CTNNA2: variants seen among roughly 807,000 people sequenced by gnomAD.
CTNNA2 encodes the protein catenin alpha 2, also known as catenin alpha-2.
Under a neutral mutation model 101.0 loss-of-function variants are expected in CTNNA2, and 42 were observed. The ratio of observed to expected loss-of-function variants is 0.42; its 90% CI spans 0.32 to 0.54. The LOEUF (loss-of-function observed/expected upper bound fraction) is 0.54, where lower values mean the gene tolerates loss of function less well. Among genes scored for constraint, CTNNA2 ranks in the 20% least tolerant of loss-of-function variants. The pLI is 0.14. For synonymous variants in CTNNA2, 450 were observed against 456.4 expected, an observed-to-expected ratio of 0.99 and a Z score of 0.18; for missense variants, 871 against 1,223.1, an observed-to-expected ratio of 0.71 and a Z score of 4.29.
chr2:80,356,756 C>T (rs1312247899), intron 7 of CTNNA2, among the ~76,000 whole-genome samples: 1 of 152,204 alleles, frequency 6.6e-6, no homozygotes, highest in Non-Finnish European at 1.5e-5. Context: ...CGACACCATT[C>T]ATTCAACACT....
upstream of CTNNA2, among the ~76,000 whole-genome samples, chr2:79,508,545 A>G (rs1403330861): frequency 2.0e-5 from 3 of 152,186 alleles, no homozygotes; most frequent in Non-Finnish European, 2.9e-5. Flanking sequence ...TTAATTGGAA[A>G]TAAAAGATGA....
chr2:79,207,396 C>T (rs1287480467), intron 2 of CTNNA2, among the ~76,000 whole-genome samples: 3 of 152,078 alleles, frequency 2.0e-5, no homozygotes, highest in African/African-American at 7.2e-5. Context: ...CAGAAGTAAC[C>T]CCCCATTCTG....
intron 18 of CTNNA2, among the ~76,000 whole-genome samples, chr2:80,643,828 G>C (rs974498685): frequency 1.3e-5 from 2 of 152,150 alleles, no homozygotes; most frequent in Admixed American, 6.6e-5. Context: ...AGGCCAGGAA[G>C]AACAAGGAAG....
At chr2:79,578,382 T>C (rs1441716362) in intron 1 of CTNNA2, among the ~76,000 whole-genome samples, 1 of 152,220 alleles carries the variant, frequency 6.6e-6, no homozygotes, top group African/African-American at 2.4e-5. Context: ...ACTTTCAAGA[T>C]AGTGAATTAA....
At chr2:80,264,408 CAAG>C (rs1035256395) in intron 7 of CTNNA2, among the ~76,000 whole-genome samples, 1 of 152,102 alleles carries the variant, frequency 6.6e-6, no homozygotes, top group African/African-American at 2.4e-5. Flanking sequence ...ACCAATCACA[CAAG>C]AAGGTGTTTG....
chr2:79,469,093 G>GT (rs1459326621), intron 4 of CTNNA2, among the ~76,000 whole-genome samples: 321 of 151,886 alleles, frequency 2.1e-3, no homozygotes, highest in African/African-American at 6.8e-3. Context: ...TCCAGGAGCT[G>GT]GTTTGTTGAA....
chr2:80,004,900 A>C (rs1343097724), intron 7 of CTNNA2, among the ~76,000 whole-genome samples: 1 of 151,998 alleles, frequency 6.6e-6, no homozygotes, highest in African/African-American at 2.4e-5. Flanking sequence ...ATGGGGTTTC[A>C]CCATGTTGGC....
chr2:80,624,465 T>A (rs1019873890), intron 18 of CTNNA2, among the ~76,000 whole-genome samples: 1 of 151,954 alleles, frequency 6.6e-6, no homozygotes, highest in African/African-American at 2.4e-5. Context: ...GTTAGAGAAG[T>A]GGTAAAAGAC....
chr2:80,424,897 C>A, intron 9 of CTNNA2, among the ~76,000 whole-genome samples: 1 of 152,172 alleles, frequency 6.6e-6, no homozygotes, highest in Non-Finnish European at 1.5e-5. Context: ...CTTCTTTGAA[C>A]CTCTCTTCTC....
chr2:80,432,671 A>T (rs1021924487), intron 9 of CTNNA2, among the ~76,000 whole-genome samples: 5 of 152,230 alleles, frequency 3.3e-5, no homozygotes, highest in African/African-American at 1.2e-4. Context: ...AGATCAAAAG[A>T]ACAAACCTGC....
Position 80,406,931 on chromosome 2 carries a change from C to A in CTNNA2, c.1138-12518C>A, listed in dbSNP as rs370161483. Among the ~76,000 whole-genome samples the A allele has an allele frequency of 5.5e-4, 84 of 151,638 alleles. 1 individual carries two copies. In the East Asian group the frequency reaches 0.014, roughly 26 times the overall value. ...ACCAGCTTGCCTGCTGCTCTGGGTG[C>A]ATTCTCTATGTGTTTGGGCGGTCTG... On this transcript the variant is annotated intron_variant, in intron 8 of 18. Transcript: ENST00000402739.
At chr2:79,220,463 C>T (rs1674327888) in intron 2 of CTNNA2, among the ~76,000 whole-genome samples, 1 of 152,070 alleles carries the variant, frequency 6.6e-6, no homozygotes, top group Non-Finnish European at 1.5e-5. Context: ...CAGGAAGCCT[C>T]AGGCCTCCTC....
intron 7 of CTNNA2, among the ~76,000 whole-genome samples, chr2:80,264,058 C>T (rs1672817308): frequency 6.6e-6 from 1 of 152,164 alleles, no homozygotes; most frequent in South Asian, 2.1e-4. Context: ...TTTTCTTAAA[C>T]ATATCAATTT....
At chr2:80,340,869 C>T (rs2149278031) in intron 7 of CTNNA2, among the ~76,000 whole-genome samples, 1 of 152,308 alleles carries the variant, frequency 6.6e-6, no homozygotes, top group Middle Eastern at 3.4e-3. Context: ...CTGGACCACC[C>T]ATACTTCTGA....
intron 7 of CTNNA2, among the ~76,000 whole-genome samples, chr2:80,282,150 C>A (rs929579265): frequency 6.6e-6 from 1 of 152,000 alleles, no homozygotes; most frequent in African/African-American, 2.4e-5. Context: ...TGGGTTCTGC[C>A]ACAGTAGAGT....
chr2:79,526,777 C>G (rs965088350), intron 1 of CTNNA2, among the ~76,000 whole-genome samples: 2 of 152,018 alleles, frequency 1.3e-5, no homozygotes, highest in Non-Finnish European at 2.9e-5. Context: ...TAAACATTTA[C>G]ATGGAAAAGA....
chr2:79,783,184 T>C (rs558868050), intron 3 of CTNNA2, among the ~76,000 whole-genome samples: 4 of 152,300 alleles, frequency 2.6e-5, no homozygotes, highest in South Asian at 4.1e-4. Context: ...ATAGAAATCA[T>C]AGGTCTGCCA....
intron 9 of CTNNA2, among the ~76,000 whole-genome samples, chr2:80,542,768 G>GA (rs1691687139): frequency 2.0e-5 from 3 of 152,228 alleles, no homozygotes; most frequent in African/African-American, 7.2e-5. Flanking sequence ...CTATTTCATA[G>GA]AATGAGAGGT....
At chr2:80,546,702 A>G (rs974963167) in intron 11 of CTNNA2, among the ~76,000 whole-genome samples, 5 of 152,224 alleles carry the variant, frequency 3.3e-5, no homozygotes, top group Admixed American at 3.3e-4. Flanking sequence ...ATAACTGCAG[A>G]GACAGTCTGA....
Sources: allele counts gnomAD v4.1 joint callset (sites outside exome capture counted in the v4.1 genomes callset), GRCh38; gene constraint gnomAD v4.1.1; transcripts MANE v1.5; gene names NCBI Gene and HGNC (gene_info 2026-07-23, HGNC 2026-07-21).